Variants in TXNRD2 observed in about 807,000 individuals in gnomAD.
The protein encoded by TXNRD2 is thioredoxin reductase 2.
TXNRD2 carries 67 observed loss-of-function variants against 70.8 expected under a neutral mutation model. The ratio of observed to expected loss-of-function variants is 0.95; its 90% CI spans 0.78 to 1.16. The LOEUF is 1.16. Among genes scored for constraint, TXNRD2 ranks in the 50% most tolerant of loss-of-function variants. The pLI is 0.00. For missense variants in TXNRD2, 644 were observed against 719.9 expected (o/e 0.89, Z 1.21); for synonymous variants, 301 against 295.8 (o/e 1.02, Z -0.18).
chr22:19,877,255 A>G, intron 16 of TXNRD2, 21 bp from the exon 17 acceptor site: 1 of 1,597,996 alleles, frequency 6.3e-7, no homozygotes. Flanking sequence ...GGGATGGGGG[A>G]GGCAGGCGGG....
intron 5 of TXNRD2, among the ~76,000 whole-genome samples, chr22:19,916,745 T>A (rs1940657287): frequency 6.6e-6 from 1 of 151,942 alleles, no homozygotes; most frequent in Admixed American, 6.6e-5. Flanking sequence ...ACTGGAACTA[T>A]AGGCATGGGC....
chr22:19,892,254 C>T (rs940852352), intron 11 of TXNRD2, among the ~76,000 whole-genome samples: 1 of 152,236 alleles, frequency 6.6e-6, no homozygotes, highest in African/African-American at 2.4e-5. Flanking sequence ...TCGTACAAAC[C>T]AGCAGAAAAC....
chr22:19,932,416 A>G, intron 1 of TXNRD2: 1 of 1,612,602 alleles, frequency 6.2e-7, no homozygotes, highest in Non-Finnish European at 8.5e-7. Flanking sequence ...TTAGCCTGCA[A>G]AAGGTGTCAT....
intron 8 of TXNRD2, among the ~76,000 whole-genome samples, chr22:19,899,736 A>ACCTG (rs1404199667): frequency 6.6e-6 from 1 of 152,258 alleles, no homozygotes. Context: ...GTATGTGCAC[A>ACCTG]CATGCCACAC....
At chr22:19,890,983 C>A (rs868358099) in intron 11 of TXNRD2, among the ~76,000 whole-genome samples, 3 of 152,184 alleles carry the variant, frequency 2.0e-5, no homozygotes, top group Non-Finnish European at 4.4e-5. Flanking sequence ...TCCAGGCACA[C>A]GTGCCACGTG....
chr22:19,932,241 T>C, intron 1 of TXNRD2: 1 of 1,576,982 alleles, frequency 6.3e-7, no homozygotes, highest in Non-Finnish European at 8.7e-7. Context: ...GCCAGGGTCT[T>C]GGTGTGCCCA....
In TXNRD2 at chr22:19,898,176, A is replaced by G. The variant is rs1158081250; in HGVS notation, c.683-46T>C. On this transcript the variant is annotated intron_variant, in intron 9 of 17. Transcript: ENST00000400521. ...AGCACTGTAGATCCCAATTTTGGAA[A>G]TGATGGGACAACACCCCAGGGCCCT... The G allele has an allele frequency of 5.3e-6, 8 of 1,519,706 alleles. No individual in the cohort carries two copies. In the Admixed American group the frequency reaches 1.6e-4, roughly 30 times the overall value. The allele number at this position is 1,519,706 out of a possible 1,614,324, so 94.1% of individuals were successfully genotyped here. A position where few individuals can be genotyped will look rare whatever the true frequency, so the allele number is the denominator to read the frequency against.
chr22:19,925,283 C>A lies in TXNRD2; in HGVS notation c.173-5684G>T, dbSNP rs1482993975. Among the ~76,000 whole-genome samples the A allele has an allele frequency of 3.3e-5, 5 of 151,552 alleles. No individual in the cohort carries two copies. The South Asian group carries it at 1.0e-3, about 31-fold the overall frequency. On this transcript the variant is annotated intron_variant, in intron 2 of 17. Transcript: ENST00000400521. ...TGGGCGACAGAGCAAGACTCCATCT[C>A]AAAAAACAAAACAAAACAAAACAAC...
chr22:19,897,593 G>A (rs540271987), intron 10 of TXNRD2, among the ~76,000 whole-genome samples: 1 of 152,256 alleles, frequency 6.6e-6, no homozygotes, highest in African/African-American at 2.4e-5. Flanking sequence ...CGGAGCCAGC[G>A]CTGCCCTGTG....
chr22:19,915,297 C>G (rs1420028185), intron 6 of TXNRD2, 21 bp from the exon 7 acceptor site: 4 of 1,610,722 alleles, frequency 2.5e-6, no homozygotes, highest in Non-Finnish European at 3.4e-6. Context: ...AAAGAGAAAG[C>G]CGTGGGTCAG....
intron 11 of TXNRD2, chr22:19,893,932 T>C (rs1219764458): frequency 1.3e-5 from 2 of 152,234 alleles, no homozygotes; most frequent in Non-Finnish European, 1.5e-5. Context: ...CTGTGTCATT[T>C]TTATGTGCTG....
chr22:19,896,996 C>T lies in TXNRD2; in HGVS notation c.774+1043G>A, dbSNP rs373782432. Among the ~76,000 whole-genome samples, 397 of 152,326 alleles carry T rather than the reference C, an allele frequency of 2.6e-3. 2 individuals are homozygous for T. Among genetic ancestry groups the T allele is most frequent in the African/African-American group, 9.2e-3 (381 of 41,578 alleles). On this transcript the variant is annotated intron_variant, in intron 10 of 17. Coordinates refer to ENST00000400521, the MANE Select transcript of TXNRD2 (RefSeq NM_006440.5). Reference sequence around the variant, plus strand: ...CTGCCTAGACTGTGCATCCTCCTTGCCTGGGCACGGCCCCCATTCTGCAGG... The same window carrying T: ...CTGCCTAGACTGTGCATCCTCCTTGTCTGGGCACGGCCCCCATTCTGCAGG...
rs771461735 is a variant in TXNRD2, at chr22:19,925,395, A to C, written c.172+5635T>G. On this transcript the variant is annotated intron_variant, in intron 2 of 17. Transcript: ENST00000400521. ...TTACCCCCAGAGCCATATTACAAGAAATGCTAAAGGATGCCCTTAAGGTAG... is the reference window on the plus strand; with the variant it reads ...TTACCCCCAGAGCCATATTACAAGACATGCTAAAGGATGCCCTTAAGGTAG... 3.8e-4 allele frequency among the ~76,000 whole-genome samples: 58 copies of C among 151,956 alleles called. 1 individual carries two copies. The highest frequency in any genetic ancestry group is 7.6e-4 in the Non-Finnish European group (52 of 68,026).
At chr22:19,903,648 C>A (rs972058225) in intron 8 of TXNRD2, among the ~76,000 whole-genome samples, 3 of 152,212 alleles carry the variant, frequency 2.0e-5, no homozygotes, top group African/African-American at 7.2e-5. Context: ...GCTCCTTGGC[C>A]CCCCTTAATT....
chr22:19,896,307 A>C (rs1939506586), intron 10 of TXNRD2, among the ~76,000 whole-genome samples: 1 of 143,492 alleles, frequency 7.0e-6, no homozygotes, highest in Non-Finnish European at 1.5e-5. Flanking sequence ...CAAACCAAAA[A>C]AAAAGAAAGA....
chr22:19,913,436 AAAG>A (rs950211109), intron 7 of TXNRD2, among the ~76,000 whole-genome samples: 6 of 152,188 alleles, frequency 3.9e-5, no homozygotes, highest in African/African-American at 1.2e-4. Context: ...GCCCCCCCAC[AAAG>A]AAGAGTCAGA....
rs149792812 is a variant in TXNRD2 at position 19,888,627 on chromosome 22, C to A, written c.950-5166G>T. Among the ~76,000 whole-genome samples the A allele has an allele frequency of 1.8e-4, 27 of 152,326 alleles. No individual in the cohort carries two copies. The East Asian group carries it at 4.8e-3, about 27-fold the overall frequency. ...GAGGCAGCCAGGGCCAAGCACTGCG[C>A]CTGAGGACGAGGGTGTGGGAGTGGG... On this transcript the variant is annotated intron_variant, in intron 11 of 17. Transcript: ENST00000400521.
intron 8 of TXNRD2, among the ~76,000 whole-genome samples, chr22:19,902,756 T>C (rs1161545513): frequency 6.6e-6 from 1 of 152,208 alleles, no homozygotes; most frequent in Non-Finnish European, 1.5e-5. Context: ...TGCAGTCTGG[T>C]AACAAGCCCC....
intron 2 of TXNRD2, among the ~76,000 whole-genome samples, 176 bp from the exon 3 acceptor site, chr22:19,919,775 T>C (rs1255923760): frequency 6.6e-6 from 1 of 152,172 alleles, no homozygotes; most frequent in African/African-American, 2.4e-5. Context: ...CTCTGCGCTC[T>C]GGCCTGCTGA....
Sources: allele counts gnomAD v4.1 joint callset (sites outside exome capture counted in the v4.1 genomes callset), GRCh38; gene constraint gnomAD v4.1.1; transcripts MANE v1.5; gene names NCBI Gene and HGNC (gene_info 2026-07-23, HGNC 2026-07-21).